B3GAT2: variants seen among roughly 807,000 people sequenced by gnomAD.
B3GAT2 encodes the protein beta-1,3-glucuronyltransferase 2.
In B3GAT2, 26 loss-of-function variants were observed where a neutral mutation model predicts 27.8. The observed-to-expected ratio is 0.93, with a 90% CI of 0.68 to 1.30. The LOEUF is 1.30. B3GAT2 is among the 50% of genes most tolerant of loss of function. The probability of loss-of-function intolerance (pLI) is 0.00; values close to 1 mark genes in which losing one functional copy is unlikely to be tolerated. For synonymous variants in B3GAT2, 218 were observed against 195.1 expected (o/e 1.12, Z -0.98); for missense variants, 458 against 459.0 (o/e 1.00, Z 0.02).
At chr6:70,941,591 T>C (rs1179787144) in intron 1 of B3GAT2, among the ~76,000 whole-genome samples, 1 of 151,990 alleles carries the variant, frequency 6.6e-6, no homozygotes. Flanking sequence ...ACATTCTCTT[T>C]CCTTTTAGTA....
At position 70,859,341 on chromosome 6, in the gene B3GAT2, G is replaced by C; in HGVS notation, c.*2322C>G. The C allele has an allele frequency of 6.5e-7, 1 of 1,548,666 alleles. No individual in the cohort carries two copies. The highest frequency in any genetic ancestry group is 8.7e-7 in the Non-Finnish European group (1 of 1,146,088). The stretch of plus-strand genomic sequence containing the variant: ...CTCTTACTTCCAGATAATGCAGAAG[G>C]GTGATGCTGTTCTCCAGCACTCCAT... On this transcript the variant is annotated 3_prime_UTR_variant, in exon 4 of 4. Transcript: ENST00000230053.
rs531461661 is a variant in B3GAT2, at chr6:70,860,420, A to G, written c.*1243T>C. On this transcript the variant is annotated 3_prime_UTR_variant, in exon 4 of 4. Coordinates refer to ENST00000230053, the MANE Select transcript of B3GAT2 (RefSeq NM_080742.3). ...AGTTCCCCTGTTTATTCATATGCATATTTTTTTTCTTTTTACCCATTTGTT... is the reference window on the plus strand; with the variant it reads ...AGTTCCCCTGTTTATTCATATGCATGTTTTTTTTCTTTTTACCCATTTGTT... 7.4e-6 allele frequency: 11 copies of G among 1,478,258 alleles called. No homozygotes were observed. In the African/African-American group the frequency reaches 1.6e-4, roughly 21 times the overall value. 91.6% of individuals were successfully genotyped at this position (1,478,258 alleles called of 1,614,324 possible).
At chr6:70,899,126 G>A (rs1206481735) in intron 1 of B3GAT2, among the ~76,000 whole-genome samples, 1 of 152,222 alleles carries the variant, frequency 6.6e-6, no homozygotes, top group East Asian at 1.9e-4. Flanking sequence ...TGAACAGAAG[G>A]CAAAAGACAT....
Position 70,858,276 on chromosome 6 carries a change from ATTTTCTAAATCTTTTTTTTT to A in B3GAT2, c.*3367_*3386del. On this transcript the variant is annotated 3_prime_UTR_variant, in exon 4 of 4. Coordinates refer to ENST00000230053, the MANE Select transcript of B3GAT2 (RefSeq NM_080742.3). ...GCTTCTCCCAAATCAAACCAGATTT[ATTTTCTAAATCTTTTTTTTT>A]TTTTTTTTTTTTTTTTTTTAAGTCT... 1 of 296,356 alleles carries A rather than the reference ATTTTCTAAATCTTTTTTTTT, an allele frequency of 3.4e-6. No homozygotes were observed. 18.4% of individuals were successfully genotyped at this position (296,356 alleles called of 1,614,324 possible). A position where few individuals can be genotyped will look rare whatever the true frequency, so the allele number is the denominator to read the frequency against.
In B3GAT2 at chr6:70,860,088, G is replaced by A. The variant is rs1771643559; in HGVS notation, c.*1575C>T. 2.5e-6 allele frequency: 3 copies of A among 1,216,604 alleles called. No individual in the cohort carries two copies. The highest frequency in any genetic ancestry group is 3.4e-6 in the Non-Finnish European group (3 of 889,868). The allele number at this position is 1,216,604 out of a possible 1,614,324, so 75.4% of individuals were successfully genotyped here. ...TGTATGGTACTCTGTTTTTATTCCAGTGCTTGGACTAGTTGTCACATTAAT... is the reference window on the plus strand; with the variant it reads ...TGTATGGTACTCTGTTTTTATTCCAATGCTTGGACTAGTTGTCACATTAAT... On this transcript the variant is annotated 3_prime_UTR_variant, in exon 4 of 4. Coordinates refer to ENST00000230053, the MANE Select transcript of B3GAT2 (RefSeq NM_080742.3).
chr6:70,906,873 T>C (rs1772610246), intron 1 of B3GAT2, among the ~76,000 whole-genome samples: 1 of 151,868 alleles, frequency 6.6e-6, no homozygotes, highest in African/African-American at 2.4e-5. Context: ...AAAAGAAAAC[T>C]GAACAAAGGT....
chr6:70,858,259 C>T lies in B3GAT2; in HGVS notation c.*3404G>A, dbSNP rs755073052. The T allele has an allele frequency of 7.2e-6, 10 of 1,382,364 alleles. No individual in the cohort carries two copies. Among genetic ancestry groups the T allele is most frequent in the Middle Eastern group, 2.3e-4 (1 of 4,290 alleles). 85.6% of individuals were successfully genotyped at this position (1,382,364 alleles called of 1,614,324 possible). A position where few individuals can be genotyped will look rare whatever the true frequency, so the allele number is the denominator to read the frequency against. On this transcript the variant is annotated 3_prime_UTR_variant, in exon 4 of 4. Coordinates refer to ENST00000230053, the MANE Select transcript of B3GAT2 (RefSeq NM_080742.3). ...GGGTCATTTACTTTCTAGCTTCTCC[C>T]AAATCAAACCAGATTTATTTTCTAA...
In B3GAT2 at chr6:70,914,938, G is replaced by C. The variant is rs143205931; in HGVS notation, c.592-20666C>G. 8.7e-3 allele frequency among the ~76,000 whole-genome samples: 1,325 copies of C among 152,232 alleles called. 33 individuals are homozygous for C. The highest frequency in any genetic ancestry group is 0.055 in the East Asian group (287 of 5,174). ...ATATACCCACAAATGGGATTGCTGG[G>C]TCAAATGGTATTTATAGTTGTAGAT... On this transcript the variant is annotated intron_variant, in intron 1 of 3. Coordinates refer to ENST00000230053, the MANE Select transcript of B3GAT2 (RefSeq NM_080742.3).
At chr6:70,943,423 C>G (rs1765424034) in intron 1 of B3GAT2, among the ~76,000 whole-genome samples, 1 of 152,202 alleles carries the variant, frequency 6.6e-6, no homozygotes, top group Non-Finnish European at 1.5e-5. Context: ...CAAATTGGCT[C>G]AGGCCCCCAG....
intron 1 of B3GAT2, among the ~76,000 whole-genome samples, chr6:70,916,509 C>T (rs1426001083): frequency 4.6e-5 from 7 of 152,142 alleles, no homozygotes; most frequent in Admixed American, 4.6e-4. Context: ...AGTTTTTGCC[C>T]ATTCAGTATA....
chr6:70,928,656 T>C (rs949945021), intron 1 of B3GAT2, among the ~76,000 whole-genome samples: 2 of 152,168 alleles, frequency 1.3e-5, no homozygotes, highest in Admixed American at 6.5e-5. Context: ...AATCCCTGAA[T>C]AGACCAATAA....
intron 1 of B3GAT2, among the ~76,000 whole-genome samples, chr6:70,918,289 G>T (rs1319791826): frequency 6.6e-6 from 1 of 152,082 alleles, no homozygotes; most frequent in Non-Finnish European, 1.5e-5. Context: ...GAGCCTATGT[G>T]TGTCTTTGCA....
chr6:70,937,129 C>T (rs1301658135), intron 1 of B3GAT2, among the ~76,000 whole-genome samples: 7 of 152,106 alleles, frequency 4.6e-5, no homozygotes, highest in African/African-American at 2.4e-5. Context: ...AACACCTCTA[C>T]GCAAATAAAC....
chr6:70,901,764 T>A (rs949437700), intron 1 of B3GAT2, among the ~76,000 whole-genome samples: 34 of 152,284 alleles, frequency 2.2e-4, no homozygotes, highest in African/African-American at 7.9e-4. Context: ...TATTCCTCTC[T>A]TTGAAGTGGG....
chr6:70,889,901 C>A (rs1562219783), intron 2 of B3GAT2, among the ~76,000 whole-genome samples: 1 of 151,844 alleles, frequency 6.6e-6, no homozygotes, highest in Non-Finnish European at 1.5e-5. Context: ...CATGTCTCAG[C>A]CTCCTGAGTA....
chr6:70,867,875 C>A (rs1354250313), intron 2 of B3GAT2, among the ~76,000 whole-genome samples: 1 of 152,134 alleles, frequency 6.6e-6, no homozygotes, highest in Non-Finnish European at 1.5e-5. Context: ...AAACTACAGA[C>A]TAATAATCCT....
intron 1 of B3GAT2, among the ~76,000 whole-genome samples, chr6:70,907,593 G>C (rs913199725): frequency 4.7e-4 from 71 of 152,184 alleles, no homozygotes; most frequent in African/African-American, 1.5e-3. Context: ...TTGCAGTTAG[G>C]ATGGGGTCAT....
chr6:70,947,699 GA>G (rs1176907296), intron 1 of B3GAT2, among the ~76,000 whole-genome samples: 1 of 150,604 alleles, frequency 6.6e-6, no homozygotes, highest in Admixed American at 6.6e-5. Flanking sequence ...CCAATCAATA[GA>G]AAAAGAGGGA....
chr6:70,856,937 A>G lies in B3GAT2; in HGVS notation c.*4726T>C, dbSNP rs760527958. On this transcript the variant is annotated 3_prime_UTR_variant, in exon 4 of 4. Coordinates refer to ENST00000230053, the MANE Select transcript of B3GAT2 (RefSeq NM_080742.3). ...TCTAGATTTATTCACTGAGCAAACT[A>G]CAAAATCAGAAGAAGTGGCAAAGAA... 1.9e-6 allele frequency: 3 copies of G among 1,614,056 alleles called. No homozygotes were observed. The highest frequency in any genetic ancestry group is 1.7e-5 in the Admixed American group (1 of 60,032).
Sources: allele counts gnomAD v4.1 joint callset (sites outside exome capture counted in the v4.1 genomes callset), GRCh38; gene constraint gnomAD v4.1.1; transcripts MANE v1.5; gene names NCBI Gene and HGNC (gene_info 2026-07-23, HGNC 2026-07-21).